XKR9: variants seen among roughly 807,000 people sequenced by gnomAD.
XKR9 encodes the protein XK related 9.
In XKR9, 32 loss-of-function variants were observed where a neutral mutation model predicts 32.0. That is an observed-to-expected ratio of 1.00 (90% CI 0.76 to 1.34). The LOEUF is 1.34. Among genes scored for constraint, XKR9 ranks in the 40% most tolerant of loss-of-function variants. XKR9 has a pLI of 0.00. For synonymous variants in XKR9, 168 were observed against 143.4 expected, an observed-to-expected ratio of 1.17 and a Z score of -1.22; for missense variants, 546 against 429.7, an observed-to-expected ratio of 1.27 and a Z score of -2.39.
At chr8:70,800,836 A>T in the XKR9 span, among the ~76,000 whole-genome samples, 3 of 151,992 alleles carry the variant, frequency 2.0e-5, no homozygotes, top group African/African-American at 7.2e-5. Flanking sequence ...TTTAACTTTG[A>T]AACTGATTAT....
the XKR9 span, among the ~76,000 whole-genome samples, chr8:70,808,105 T>C: frequency 1.0e-3 from 153 of 152,240 alleles, 2 homozygotes; most frequent in African/African-American, 3.4e-3. Flanking sequence ...AACTCAGCAT[T>C]AAAAAACTCA....
At chr8:70,901,949 G>C in the XKR9 span, among the ~76,000 whole-genome samples, 3 of 152,240 alleles carry the variant, frequency 2.0e-5, no homozygotes, top group African/African-American at 7.2e-5. Flanking sequence ...TGTCAGGTTT[G>C]TCAAAGATCA....
the XKR9 span, among the ~76,000 whole-genome samples, chr8:70,819,611 A>G: frequency 3.3e-5 from 5 of 152,204 alleles, no homozygotes; most frequent in South Asian, 1.0e-3. Flanking sequence ...CCTTACATAA[A>G]ATAGAAATAA....
At chr8:70,771,309 C>T (rs1807450541) in intron 2 of XKR9, among the ~76,000 whole-genome samples, 2 of 152,188 alleles carry the variant, frequency 1.3e-5, no homozygotes, top group African/African-American at 4.8e-5. Context: ...AATCACCTGC[C>T]TTCTGCATTG....
In XKR9 at chr8:70,733,912, A is replaced by G; in HGVS notation, c.610A>G (p.Thr204Ala). ...TCTTAATGGATTATGTCCCAAAATC[A>G]CATATCTCTTTTACAAGTTGTTTAC... ...KLLNGLCPKI[T>A]YLFYKLFTLL... Residue 204 changes from threonine to alanine, a missense_variant, in exon 5 of 5, where the codon ACA becomes GCA. Thr to Ala is a moderately conservative substitution (Grantham distance 58). Transcript: ENST00000408926. 6.2e-7 allele frequency: 1 copy of G among 1,613,034 alleles called. No individual in the cohort carries two copies. The highest frequency in any genetic ancestry group is 8.5e-7 in the Non-Finnish European group (1 of 1,179,740).
the XKR9 span, among the ~76,000 whole-genome samples, chr8:70,906,449 T>C: frequency 6.6e-6 from 1 of 152,232 alleles, no homozygotes; most frequent in African/African-American, 2.4e-5. Flanking sequence ...AAGAAAAATA[T>C]TGTAACACAT....
At chr8:70,760,168 GACA>G (rs1807288768) in intron 2 of XKR9, among the ~76,000 whole-genome samples, 1 of 152,038 alleles carries the variant, frequency 6.6e-6, no homozygotes, top group Non-Finnish European at 1.5e-5. Context: ...ATTCTGTTAG[GACA>G]ACATTTTTTT....
At chr8:70,814,797 A>C in the XKR9 span, among the ~76,000 whole-genome samples, 1 of 152,232 alleles carries the variant, frequency 6.6e-6, no homozygotes, top group Non-Finnish European at 1.5e-5. Context: ...GGGAAAGAAT[A>C]AGTAAAATTA....
chr8:70,769,263 C>T (rs1807420740), intron 2 of XKR9, among the ~76,000 whole-genome samples: 2 of 150,452 alleles, frequency 1.3e-5, no homozygotes, highest in African/African-American at 2.4e-5. Flanking sequence ...TGAATATTGG[C>T]CCCCACTGTC....
At chr8:70,731,412 A>T (rs761899169) in intron 4 of XKR9, among the ~76,000 whole-genome samples, 3 of 151,950 alleles carry the variant, frequency 2.0e-5, no homozygotes, top group Non-Finnish European at 4.4e-5. Flanking sequence ...ACCCTGCTTG[A>T]TGTGCCATAG....
the XKR9 span, among the ~76,000 whole-genome samples, chr8:70,844,658 G>GGATT: frequency 3.9e-5 from 6 of 152,182 alleles, no homozygotes; most frequent in Non-Finnish European, 7.3e-5. Flanking sequence ...GGGGTCTTGG[G>GGATT]GATTGCCCCA....
At chr8:70,823,223 A>G in the XKR9 span, among the ~76,000 whole-genome samples, 2 of 152,342 alleles carry the variant, frequency 1.3e-5, no homozygotes, top group South Asian at 2.1e-4. Context: ...TAACTTAGAT[A>G]TCTGACATTG....
At chr8:70,901,343 T>A in the XKR9 span, among the ~76,000 whole-genome samples, 1 of 152,198 alleles carries the variant, frequency 6.6e-6, no homozygotes, top group Non-Finnish European at 1.5e-5. Context: ...TTTTTAATGA[T>A]CAGCATTCTA....
intron 2 of XKR9, among the ~76,000 whole-genome samples, chr8:70,765,059 G>C (rs1807356708): frequency 6.6e-6 from 1 of 152,152 alleles, no homozygotes; most frequent in Admixed American, 6.5e-5. Context: ...ACATACATGT[G>C]CATGTGACTT....
intron 2 of XKR9, among the ~76,000 whole-genome samples, chr8:70,753,145 A>G (rs1807166799): frequency 6.6e-6 from 1 of 152,262 alleles, no homozygotes; most frequent in Non-Finnish European, 1.5e-5. Context: ...ACCTCTACAC[A>G]AATAAACTAG....
downstream of XKR9, among the ~76,000 whole-genome samples, chr8:70,791,626 T>G (rs1029466954): frequency 3.9e-5 from 6 of 152,032 alleles, no homozygotes; most frequent in African/African-American, 1.2e-4. Flanking sequence ...CCACTCTCTT[T>G]TACTCTCTTT....
At chr8:70,722,374 G>A (rs1347206863) in intron 4 of XKR9, among the ~76,000 whole-genome samples, 1 of 152,142 alleles carries the variant, frequency 6.6e-6, no homozygotes, top group Non-Finnish European at 1.5e-5. Context: ...ATTAGTTGAT[G>A]CAGTTTCTTC....
chr8:70,695,865 C>A (rs1805252644), intron 3 of XKR9, among the ~76,000 whole-genome samples: 1 of 149,924 alleles, frequency 6.7e-6, no homozygotes, highest in Non-Finnish European at 1.5e-5. Flanking sequence ...TTAATGATTG[C>A]CATTCTAACT....
At chr8:70,733,033 G>C (rs34270993) in intron 4 of XKR9, among the ~76,000 whole-genome samples, 61,315 of 152,034 alleles carry the variant, frequency 0.4, 13,908 homozygotes, top group Non-Finnish European at 0.52. Context: ...AGGTGAATTG[G>C]TTGAACCCGG....
Sources: gnomAD v4.1 joint callset for allele counts (sites outside exome capture counted in the v4.1 genomes callset) on GRCh38, gnomAD v4.1.1 for gene constraint, MANE v1.5 for transcripts, NCBI Gene and HGNC (gene_info 2026-07-23, HGNC 2026-07-21) for gene names.